Variants in FHIT observed in about 807,000 individuals in gnomAD.
FHIT encodes the protein bis(5'-adenosyl)-triphosphatase.
A neutral mutation model predicts 17.9 loss-of-function variants in FHIT; 19 were observed. The ratio of observed to expected loss-of-function variants is 1.06; its 90% CI spans 0.74 to 1.56. The LOEUF is 1.56. FHIT is among the 40% of genes most tolerant of loss of function. The pLI, the probability that FHIT is intolerant of heterozygous loss-of-function variation, is 0.00. For synonymous variants in FHIT, 81 were observed against 69.7 expected, an observed-to-expected ratio of 1.16 and a Z score of -0.81; for missense variants, 248 against 189.2, an observed-to-expected ratio of 1.31 and a Z score of -1.82.
chr3:60,088,726 CT>C (rs1188103876), intron 5 of FHIT, among the ~76,000 whole-genome samples: 1 of 152,180 alleles, frequency 6.6e-6, no homozygotes, highest in Admixed American at 6.5e-5. Context: ...GACAATTCAT[CT>C]TCCAAAGTTA....
At chr3:60,004,246 G>C (rs1683638) in intron 7 of FHIT, among the ~76,000 whole-genome samples, 1 of 152,198 alleles carries the variant, frequency 6.6e-6, no homozygotes. Context: ...AGGTGTAAAA[G>C]ACAGTTTACT....
At chr3:59,769,407 G>A (rs940096650) in intron 8 of FHIT, among the ~76,000 whole-genome samples, 1 of 152,178 alleles carries the variant, frequency 6.6e-6, no homozygotes, top group African/African-American at 2.4e-5. Flanking sequence ...CCACCCTGTA[G>A]AAGGCTTGGC....
At chr3:61,011,481 T>C (rs934079036) in intron 3 of FHIT, among the ~76,000 whole-genome samples, 6 of 152,138 alleles carry the variant, frequency 3.9e-5, no homozygotes, top group Non-Finnish European at 8.8e-5. Flanking sequence ...GGATTAACAC[T>C]AATCATCAAC....
intron 8 of FHIT, among the ~76,000 whole-genome samples, chr3:59,843,128 T>G (rs187452450): frequency 1.1e-4 from 16 of 152,312 alleles, no homozygotes; most frequent in African/African-American, 3.4e-4. Flanking sequence ...TCTTTTGCAC[T>G]TGGATACAGA....
At chr3:59,986,536 T>TACAC (rs1337684679) in intron 7 of FHIT, among the ~76,000 whole-genome samples, 15 of 11,554 alleles carry the variant, frequency 1.3e-3, no homozygotes, top group African/African-American at 7.2e-3. Context: ...TATATATATA[T>TACAC]ATATACACAC....
At chr3:60,885,961 C>T (rs781948398) in intron 3 of FHIT, among the ~76,000 whole-genome samples, 10 of 152,054 alleles carry the variant, frequency 6.6e-5, no homozygotes, top group Non-Finnish European at 1.3e-4. Context: ...TTCCCCCTCT[C>T]CCAAATAAAA....
intron 7 of FHIT, among the ~76,000 whole-genome samples, chr3:59,954,221 G>GCTTTT (rs1553633305): frequency 8.3e-6 from 1 of 120,978 alleles, no homozygotes; most frequent in African/African-American, 3.1e-5. Context: ...ATTTTGTTCT[G>GCTTTT]TTTTTTTTTC....
chr3:60,391,427 G>A (rs1379840696), intron 5 of FHIT, among the ~76,000 whole-genome samples: 3 of 152,104 alleles, frequency 2.0e-5, no homozygotes, highest in African/African-American at 7.2e-5. Flanking sequence ...AGTGTATCAT[G>A]TTTATAAAGT....
intron 8 of FHIT, among the ~76,000 whole-genome samples, chr3:59,883,346 G>C: frequency 6.6e-6 from 1 of 152,170 alleles, no homozygotes; most frequent in East Asian, 1.9e-4. Context: ...AAAAGAAAAA[G>C]AGATTTAATG....
intron 2 of FHIT, among the ~76,000 whole-genome samples, chr3:61,125,521 A>G (rs1322786509): frequency 6.6e-6 from 1 of 152,224 alleles, no homozygotes; most frequent in Non-Finnish European, 1.5e-5. Context: ...CCAGGCAGGT[A>G]GCAGGAACTC....
rs144908920 is a variant in FHIT, at chr3:61,029,763, C to G, written c.-111+12284G>C. On this transcript the variant is annotated intron_variant, in intron 3 of 9. Transcript: ENST00000492590. ...TGGGCCTACCAACTGTTATTTGAGTCTAACAGGTTATTCTTAGTAATCCCT... is the reference window on the plus strand; with the variant it reads ...TGGGCCTACCAACTGTTATTTGAGTGTAACAGGTTATTCTTAGTAATCCCT... 2.9e-3 allele frequency among the ~76,000 whole-genome samples: 443 copies of G among 152,190 alleles called. 3 individuals carry two copies. Among genetic ancestry groups the G allele is most frequent in the African/African-American group, 0.01 (427 of 41,512 alleles).
intron 2 of FHIT, among the ~76,000 whole-genome samples, chr3:61,103,244 C>G (rs2035887026): frequency 6.6e-6 from 1 of 151,994 alleles, no homozygotes; most frequent in South Asian, 2.1e-4. Flanking sequence ...AGAGATTCTG[C>G]TACATTGTGT....
At chr3:59,799,789 A>G (rs1027515666) in intron 8 of FHIT, among the ~76,000 whole-genome samples, 3 of 152,236 alleles carry the variant, frequency 2.0e-5, no homozygotes, top group South Asian at 2.1e-4. Flanking sequence ...ACAGACTCTT[A>G]TCAGAAAATT....
rs34059017 is a variant in FHIT at position 60,120,845 on chromosome 3, AT to A, written c.104-106694del. 4.2e-3 allele frequency among the ~76,000 whole-genome samples: 634 copies of A among 149,756 alleles called. 3 individuals carry two copies. Among genetic ancestry groups the A allele is most frequent in the African/African-American group, 0.014 (558 of 40,516 alleles). ...ACTTTAATTATATCTCAGCTAAGTG[AT>A]TTTTTTTTTCCACCATTTGCTCACA... On this transcript the variant is annotated intron_variant, in intron 5 of 9. Coordinates refer to ENST00000492590, the MANE Select transcript of FHIT (RefSeq NM_002012.4).
intron 5 of FHIT, among the ~76,000 whole-genome samples, chr3:60,455,382 A>G (rs573085485): frequency 1.3e-5 from 2 of 152,206 alleles, no homozygotes; most frequent in South Asian, 4.1e-4. Context: ...TCTTACGGCC[A>G]TTTACAAGGT....
chr3:59,870,135 T>C (rs1303157905), intron 8 of FHIT, among the ~76,000 whole-genome samples: 2 of 152,304 alleles, frequency 1.3e-5, no homozygotes. Flanking sequence ...AACCCACCTC[T>C]ATTTCACTAC....
chr3:59,752,387 G>T, intron 8 of FHIT, 66 bp from the exon 9 acceptor site: 1 of 1,287,374 alleles, frequency 7.8e-7, no homozygotes. Flanking sequence ...ACAAATTTCG[G>T]GGGGCTGGGG....
intron 5 of FHIT, among the ~76,000 whole-genome samples, chr3:60,491,531 CAGA>C (rs2034066895): frequency 6.6e-6 from 1 of 152,110 alleles, no homozygotes; most frequent in Non-Finnish European, 1.5e-5. Context: ...CAGCCACAGC[CAGA>C]AGATGTCAGA....
chr3:60,468,725 G>A (rs2032929023), intron 5 of FHIT, among the ~76,000 whole-genome samples: 2 of 152,032 alleles, frequency 1.3e-5, no homozygotes, highest in South Asian at 4.1e-4. Flanking sequence ...TACTACAATA[G>A]TGTTATGATA....
Sources: allele counts gnomAD v4.1 joint callset (sites outside exome capture counted in the v4.1 genomes callset), GRCh38; gene constraint gnomAD v4.1.1; transcripts MANE v1.5; gene names NCBI Gene and HGNC (gene_info 2026-07-23, HGNC 2026-07-21).